Variants in SUSD1 observed in about 807,000 individuals in gnomAD.
SUSD1 encodes the protein sushi domain-containing protein 1.
Under a neutral mutation model 86.9 loss-of-function variants are expected in SUSD1, and 65 were observed. The ratio of observed to expected loss-of-function variants is 0.75; its 90% CI spans 0.61 to 0.92. SUSD1 has a LOEUF of 0.92. Among genes scored for constraint, SUSD1 ranks in the 40% least tolerant of loss-of-function variants. The probability of loss-of-function intolerance (pLI) is 0.00; values close to 1 mark genes in which losing one functional copy is unlikely to be tolerated. For synonymous variants in SUSD1, 346 were observed against 350.0 expected (o/e 0.99, Z 0.13); for missense variants, 850 against 929.7 (o/e 0.91, Z 1.11).
At chr9:112,165,351 A>G (rs767038195) in intron 1 of SUSD1, among the ~76,000 whole-genome samples, 2 of 150,302 alleles carry the variant, frequency 1.3e-5, no homozygotes, top group Non-Finnish European at 2.9e-5. Flanking sequence ...TTAAATTATT[A>G]TTAACTATAG....
At chr9:112,080,215 G>A in intron 10 of SUSD1, 50 bp from the exon 11 acceptor site, 1 of 1,380,186 alleles carries the variant, frequency 7.2e-7, no homozygotes, top group Non-Finnish European at 1.0e-6. Context: ...TAGAAAAAAT[G>A]CTACCTTTTA....
chr9:112,144,672 G>C (rs1832731275), intron 3 of SUSD1, among the ~76,000 whole-genome samples: 1 of 152,146 alleles, frequency 6.6e-6, no homozygotes, highest in Non-Finnish European at 1.5e-5. Flanking sequence ...CTCCAGGAGA[G>C]TGAAAATGCC....
chr9:112,138,237 G>GTATATATATATATATATATATATATA (rs375674193), intron 5 of SUSD1, among the ~76,000 whole-genome samples: 9 of 4,140 alleles, frequency 2.2e-3, no homozygotes, highest in Non-Finnish European at 3.2e-3. Flanking sequence ...AAAAAAATGT[G>GTATATATATATATATATATATATATA]TATATATATA....
intron 6 of SUSD1, among the ~76,000 whole-genome samples, chr9:112,117,832 G>A (rs1831392213): frequency 6.6e-6 from 1 of 152,144 alleles, no homozygotes; most frequent in South Asian, 2.1e-4. Flanking sequence ...TAAATGTTGT[G>A]GAAAGGTTGA....
intron 6 of SUSD1, among the ~76,000 whole-genome samples, chr9:112,122,776 C>T (rs562022388): frequency 6.6e-6 from 1 of 152,306 alleles, no homozygotes; most frequent in African/African-American, 2.4e-5. Flanking sequence ...ATGGGATACT[C>T]ATATAATGGA....
intron 5 of SUSD1, among the ~76,000 whole-genome samples, chr9:112,131,921 G>T (rs1291577259): frequency 6.6e-6 from 1 of 152,218 alleles, no homozygotes; most frequent in Non-Finnish European, 1.5e-5. Context: ...CTTCAAAATA[G>T]GACTCCTGAG....
At position 112,108,787 on chromosome 9, in the gene SUSD1, A is replaced by G. The variant is rs1348248288; in HGVS notation, c.1171+2867T>C. On this transcript the variant is annotated intron_variant, in intron 8 of 16. Transcript: ENST00000374270. ...AGCTGGGTGTCTCAAAAAAAAAAAA[A>G]AAAAGAAAAAAAAGAAAGAAAGAAA... Among the ~76,000 whole-genome samples, 153 of 147,550 alleles carry G rather than the reference A, an allele frequency of 1.0e-3. 2 individuals are homozygous for G. The highest frequency in any genetic ancestry group is 3.5e-3 in the African/African-American group (142 of 40,382).
At chr9:112,088,468 A>G (rs1212355156) in intron 10 of SUSD1, among the ~76,000 whole-genome samples, 1 of 152,218 alleles carries the variant, frequency 6.6e-6, no homozygotes. Flanking sequence ...AAGGCAATAA[A>G]TGAATTAAAG....
chr9:112,089,785 C>T (rs1830128390), intron 10 of SUSD1, among the ~76,000 whole-genome samples: 1 of 144,002 alleles, frequency 6.9e-6, no homozygotes, highest in African/African-American at 2.6e-5. Context: ...GCACTCCAGC[C>T]TGGGTGACAG....
intron 5 of SUSD1, among the ~76,000 whole-genome samples, chr9:112,139,900 G>A (rs940689952): frequency 4.6e-5 from 7 of 152,008 alleles, no homozygotes; most frequent in Non-Finnish European, 1.0e-4. Flanking sequence ...ATGGAAACAG[G>A]CACATAAAAT....
Position 112,157,553 on chromosome 9 carries a change from T to A in SUSD1, c.164A>T (p.Lys55Met). ...AAATCCATAGTTGCAAATACAGATC[T>A]TCTTCCCTTCTCTTTGCTGGCATGT... Reference protein sequence around the residue: ...HATCQQREGKKICICNYGFVG... With the variant: ...HATCQQREGKMICICNYGFVG... The change falls in exon 2 of 17, where the codon AAG (lysine) becomes ATG (methionine). Residue 55 changes from lysine to methionine, a missense_variant. Coordinates refer to ENST00000374270, the MANE Select transcript of SUSD1 (RefSeq NM_022486.5). 1 of 1,614,190 alleles carries A rather than the reference T, an allele frequency of 6.2e-7. No homozygotes were observed. Among genetic ancestry groups the A allele is most frequent in the Non-Finnish European group, 8.5e-7 (1 of 1,180,016 alleles).
intron 12 of SUSD1, among the ~76,000 whole-genome samples, chr9:112,067,077 A>G (rs1829015378): frequency 6.6e-6 from 1 of 152,154 alleles, no homozygotes; most frequent in Admixed American, 6.5e-5. Context: ...GGGTTTCACC[A>G]TGTTGGCCAG....
chr9:112,110,566 T>C (rs1007633463), intron 8 of SUSD1, among the ~76,000 whole-genome samples: 4 of 151,340 alleles, frequency 2.6e-5, no homozygotes, highest in Non-Finnish European at 5.9e-5. Flanking sequence ...TTTCTTTCTT[T>C]TTTTTTTTTG....
At chr9:112,166,089 C>T (rs931770302) in intron 1 of SUSD1, among the ~76,000 whole-genome samples, 5 of 152,206 alleles carry the variant, frequency 3.3e-5, no homozygotes, top group East Asian at 3.9e-4. Context: ...AGCAAAAAAA[C>T]GTAAGATGGG....
intron 3 of SUSD1, among the ~76,000 whole-genome samples, chr9:112,146,420 TA>T (rs1832812428): frequency 1.3e-5 from 2 of 152,314 alleles, no homozygotes; most frequent in African/African-American, 4.8e-5. Context: ...CTCAATTTTT[TA>T]CAAAAGAGAA....
In SUSD1 at chr9:112,142,565, C is replaced by T. The variant is rs575493958; in HGVS notation, c.527-66G>A. On this transcript the variant is annotated intron_variant, in intron 4 of 16. Coordinates refer to ENST00000374270, the MANE Select transcript of SUSD1 (RefSeq NM_022486.5). ...TAAATCTTCAAAATTCACAATCTCT[C>T]TCCACCTCTACCCTATTCCTCACAC... 181 of 1,508,734 alleles carry T rather than the reference C, an allele frequency of 1.2e-4. 3 individuals are homozygous for T. In the South Asian group the frequency reaches 1.6e-3, roughly 14 times the overall value. 93.5% of individuals were successfully genotyped at this position (1,508,734 alleles called of 1,614,324 possible).
intron 2 of SUSD1, among the ~76,000 whole-genome samples, chr9:112,153,718 A>G (rs1833169888): frequency 6.6e-6 from 1 of 151,542 alleles, no homozygotes; most frequent in Non-Finnish European, 1.5e-5. Flanking sequence ...GGTTCAAGCA[A>G]TTCTCCTGTC....
intron 8 of SUSD1, among the ~76,000 whole-genome samples, chr9:112,110,896 T>C (rs933538981): frequency 7.2e-5 from 11 of 152,164 alleles, no homozygotes; most frequent in African/African-American, 2.7e-4. Context: ...CTGCTTCCAC[T>C]TCCCCACTCT....
chr9:112,143,179 T>C (rs1832657696), intron 4 of SUSD1, among the ~76,000 whole-genome samples: 1 of 151,654 alleles, frequency 6.6e-6, no homozygotes, highest in African/African-American at 2.4e-5. Flanking sequence ...AGAGATAGGG[T>C]TTCACCGTGT....
Sources: gnomAD v4.1 joint callset for allele counts (sites outside exome capture counted in the v4.1 genomes callset) on GRCh38, gnomAD v4.1.1 for gene constraint, MANE v1.5 for transcripts, NCBI Gene and HGNC (gene_info 2026-07-23, HGNC 2026-07-21) for gene names.